Variants in RARB observed in about 807,000 individuals in gnomAD.
RARB encodes the protein HBV-activated protein.
In RARB, 17 loss-of-function variants were observed where a neutral mutation model predicts 51.9. That is an observed-to-expected ratio of 0.33 (90% confidence interval 0.22 to 0.49). The LOEUF is 0.49. RARB is among the 20% of genes least tolerant of loss of function. The pLI, the probability that RARB is intolerant of heterozygous loss-of-function variation, is 0.99. For missense variants in RARB, 369 were observed against 550.8 expected, an observed-to-expected ratio of 0.67 and a Z score of 3.30; for synonymous variants, 215 against 195.4, an observed-to-expected ratio of 1.10 and a Z score of -0.84.
At chr3:25,020,712 A>G (rs574779207) in intron 2 of RARB, among the ~76,000 whole-genome samples, 75 of 152,206 alleles carry the variant, frequency 4.9e-4, no homozygotes, top group African/African-American at 1.7e-3. Context: ...TGTTGTGGAG[A>G]TCACCCATAA....
At chr3:24,885,181 A>G (rs2125359655) in intron 2 of RARB, among the ~76,000 whole-genome samples, 1 of 152,240 alleles carries the variant, frequency 6.6e-6, no homozygotes, top group South Asian at 2.1e-4. Flanking sequence ...AGCAAAGAGG[A>G]GTTCGACTCC....
At chr3:25,251,332 T>C (rs925545222) in intron 5 of RARB, among the ~76,000 whole-genome samples, 1 of 152,146 alleles carries the variant, frequency 6.6e-6, no homozygotes, top group African/African-American at 2.4e-5. Flanking sequence ...CTATAAATAT[T>C]TGTGTACAAG....
chr3:25,337,106 AT>A (rs1297401026), intron 5 of RARB, among the ~76,000 whole-genome samples: 2 of 152,170 alleles, frequency 1.3e-5, no homozygotes, highest in Admixed American at 6.6e-5. Context: ...AAAGTGAGAG[AT>A]TTGAGGCCAT....
At chr3:25,137,680 A>T (rs557248502) in intron 4 of RARB, among the ~76,000 whole-genome samples, 1 of 152,208 alleles carries the variant, frequency 6.6e-6, no homozygotes, top group East Asian at 1.9e-4. Context: ...TACCAGGCCC[A>T]TTGAAGGCCT....
chr3:25,491,458 T>C (rs1004800510), intron 2 of RARB, among the ~76,000 whole-genome samples: 1 of 152,162 alleles, frequency 6.6e-6, no homozygotes, highest in Non-Finnish European at 1.5e-5. Flanking sequence ...CTGTCTGATC[T>C]ACAGTCTTTA....
intron 3 of RARB, among the ~76,000 whole-genome samples, chr3:25,562,577 C>T (rs1700317833): frequency 6.6e-6 from 1 of 152,224 alleles, no homozygotes; most frequent in African/African-American, 2.4e-5. Context: ...TGTCATCCCT[C>T]AACTACTCAC....
chr3:25,460,432 A>T (rs929826882), intron 1 of RARB, among the ~76,000 whole-genome samples: 2 of 100,180 alleles, frequency 2.0e-5, no homozygotes, highest in Non-Finnish European at 4.2e-5. Context: ...TAAAATTTTT[A>T]TTTATTTATT....
intron 2 of RARB, among the ~76,000 whole-genome samples, chr3:25,494,246 A>C (rs4089901): frequency 2.3e-5 from 1 of 43,454 alleles, no homozygotes; most frequent in African/African-American, 3.6e-4. Flanking sequence ...TTCCAGCTGT[A>C]TCTTACGCAC....
chr3:25,408,547 C>T (rs1462673233), intron 5 of RARB, among the ~76,000 whole-genome samples: 1 of 152,106 alleles, frequency 6.6e-6, no homozygotes, highest in Non-Finnish European at 1.5e-5. Context: ...CAAATCCAAA[C>T]CATATCAGAC....
At chr3:24,997,816 T>C (rs1172863527) in intron 2 of RARB, among the ~76,000 whole-genome samples, 1 of 152,204 alleles carries the variant, frequency 6.6e-6, no homozygotes, top group Non-Finnish European at 1.5e-5. Flanking sequence ...ATGTAGATTT[T>C]CTAAATAGTG....
chr3:24,865,639 C>T (rs527720820), intron 2 of RARB, among the ~76,000 whole-genome samples: 1 of 152,236 alleles, frequency 6.6e-6, no homozygotes, highest in Admixed American at 6.5e-5. Flanking sequence ...TAACTTAATA[C>T]GTACAAATGT....
intron 3 of RARB, among the ~76,000 whole-genome samples, chr3:25,108,230 G>C (rs1699542197): frequency 6.6e-6 from 1 of 152,102 alleles, no homozygotes; most frequent in Non-Finnish European, 1.5e-5. Context: ...TTGGACGATG[G>C]TTGATCGTGG....
intron 3 of RARB, among the ~76,000 whole-genome samples, chr3:25,558,897 G>A (rs994738276): frequency 2.6e-5 from 4 of 151,786 alleles, no homozygotes; most frequent in South Asian, 2.1e-4. Flanking sequence ...TTTTCCTTGC[G>A]GTGATTCACT....
intron 2 of RARB, among the ~76,000 whole-genome samples, chr3:25,056,029 G>A (rs1357111853): frequency 6.6e-6 from 1 of 152,078 alleles, no homozygotes; most frequent in Non-Finnish European, 1.5e-5. Flanking sequence ...TGTCCCAACA[G>A]TAAAGAACTC....
At chr3:25,017,504 C>T (rs1046045041) in intron 2 of RARB, among the ~76,000 whole-genome samples, 2 of 152,084 alleles carry the variant, frequency 1.3e-5, no homozygotes, top group Admixed American at 6.5e-5. Context: ...TTATCTGGTG[C>T]ATTTTTAATA....
chr3:24,929,081 T>C (rs1387970070), intron 2 of RARB, among the ~76,000 whole-genome samples: 3 of 152,114 alleles, frequency 2.0e-5, no homozygotes, highest in Non-Finnish European at 4.4e-5. Flanking sequence ...AAAGTAATGA[T>C]ATAATGATAT....
At chr3:25,579,927 T>C (rs978572346) in intron 4 of RARB, among the ~76,000 whole-genome samples, 2 of 152,214 alleles carry the variant, frequency 1.3e-5, no homozygotes, top group African/African-American at 4.8e-5. Flanking sequence ...GTACTGATGG[T>C]CAATGCTTAG....
chr3:25,068,083 G>A (rs1470705864), intron 3 of RARB, among the ~76,000 whole-genome samples: 1 of 130,956 alleles, frequency 7.6e-6, no homozygotes, highest in Admixed American at 9.1e-5. Context: ...GCAGTGAGAC[G>A]AGATTGCACC....
At chr3:25,323,652 T>A (rs920899530) in intron 5 of RARB, among the ~76,000 whole-genome samples, 1 of 152,200 alleles carries the variant, frequency 6.6e-6, no homozygotes, top group African/African-American at 2.4e-5. Context: ...AGCTCTAGTT[T>A]AGAACTCTTC....
Sources: allele counts gnomAD v4.1 joint callset (sites outside exome capture counted in the v4.1 genomes callset), GRCh38; gene constraint gnomAD v4.1.1; transcripts MANE v1.5; gene names NCBI Gene and HGNC (gene_info 2026-07-23, HGNC 2026-07-21).